The following MORF4L2 variants were observed in gnomAD, a reference collection of about 807,000 sequenced individuals.
The protein encoded by MORF4L2 is mortality factor 4 like 2, also known as mortality factor 4-like protein 2.
MORF4L2 carries 1 observed loss-of-function variant against 12.0 expected under a neutral mutation model. That is an observed-to-expected ratio of 0.08 (90% CI 0.03 to 0.40). The LOEUF (loss-of-function observed/expected upper bound fraction) is 0.40, where lower values mean the gene tolerates loss of function less well. Among genes scored for constraint, MORF4L2 ranks in the 10% least tolerant of loss-of-function variants. The pLI is 0.98. For synonymous variants in MORF4L2, 69 were observed against 81.6 expected (o/e 0.85, Z 0.83); for missense variants, 123 against 214.0 (o/e 0.57, Z 2.65).
Position 103,676,301 on chromosome X carries a change from G to C in MORF4L2, c.727C>G (p.Pro243Ala). 1 of 1,211,176 alleles carries C rather than the reference G, an allele frequency of 8.3e-7. No individual in the cohort carries two copies. Among genetic ancestry groups the C allele is most frequent in the Non-Finnish European group, 1.1e-6 (1 of 895,216 alleles). ...VRIGAMLAYT[P>A]LDEKSLALLL... ...AATGCAAGGCTTTTCTCATCAAGGG[G>C]CGTATAGGCCAACATTGCTCCAATT... Residue 243 changes from proline (P) to alanine (A), a missense_variant, in exon 4 of 4, where the codon CCC becomes GCC. By Grantham distance (27) the Pro-to-Ala change is conservative. Transcript: ENST00000441076.
intron 2 of MORF4L2, chrX:103,684,908 T>G (rs1294635164): frequency 8.9e-6 from 1 of 112,306 alleles, no homozygotes; most frequent in East Asian, 2.8e-4. Flanking sequence ...CAAGGAAAAA[T>G]GTAATCTATG....
intron 2 of MORF4L2, among the ~76,000 whole-genome samples, chrX:103,682,480 C>T (rs2074007606): frequency 9.0e-6 from 1 of 110,964 alleles, no homozygotes; most frequent in Admixed American, 9.5e-5. Flanking sequence ...TATAAAAGTT[C>T]ATTTTTTCAT....
chrX:103,688,010 C>T (rs1192573681), upstream of MORF4L2: 1 of 111,663 alleles, frequency 9.0e-6, no homozygotes, highest in African/African-American at 3.3e-5. Context: ...GATCTCCAAG[C>T]AAGCACACTG....
chrX:103,676,102 A>C lies in MORF4L2; in HGVS notation c.*59T>G. 1 of 1,072,535 alleles carries C rather than the reference A, an allele frequency of 9.3e-7. No homozygotes were observed. The highest frequency in any genetic ancestry group is 1.2e-6 in the Non-Finnish European group (1 of 804,727). The allele number at this position is 1,072,535 out of a possible 1,213,427, so 88.4% of individuals were successfully genotyped here. A position where few individuals can be genotyped will look rare whatever the true frequency, so the allele number is the denominator to read the frequency against. The stretch of plus-strand genomic sequence containing the variant: ...AGAACATCAATTTTACAAGAAAAAG[A>C]CTAAGAACAAAAAGTGTTTACAGAT... On this transcript the variant is annotated 3_prime_UTR_variant, in exon 4 of 4. Coordinates refer to ENST00000441076, the MANE Select transcript of MORF4L2 (RefSeq NM_012286.3).
intron 2 of MORF4L2, 158 bp downstream of exon 2, chrX:103,685,013 T>G (rs975297648): frequency 8.0e-5 from 9 of 112,831 alleles, no homozygotes; most frequent in Non-Finnish European, 1.1e-4. Flanking sequence ...CTTTCTATAC[T>G]GGAACTATCA....
chrX:103,683,732 A>T (rs745606646), intron 2 of MORF4L2, among the ~76,000 whole-genome samples: 79 of 112,020 alleles, frequency 7.1e-4, no homozygotes, highest in Middle Eastern at 4.6e-3. Flanking sequence ...CTTTGTAGAC[A>T]TATCATTCAG....
intron 2 of MORF4L2, among the ~76,000 whole-genome samples, chrX:103,683,458 A>G (rs2074034238): frequency 8.9e-6 from 1 of 112,713 alleles, no homozygotes; most frequent in Non-Finnish European, 1.9e-5. Context: ...ATCACAGTTT[A>G]AAGGCATAAA....
intron 2 of MORF4L2, among the ~76,000 whole-genome samples, chrX:103,679,860 CAAAA>C (rs1157909391): frequency 4.2e-5 from 2 of 47,737 alleles, no homozygotes; most frequent in African/African-American, 9.3e-5. Context: ...CACCTGTGGG[CAAAA>C]AAAAAAAAAA....
intron 2 of MORF4L2, among the ~76,000 whole-genome samples, chrX:103,678,934 G>A (rs1402871856): frequency 1.8e-5 from 2 of 112,150 alleles, no homozygotes; most frequent in African/African-American, 6.5e-5. Context: ...TAAAGGTGAT[G>A]TGGCTGAACA....
chrX:103,676,418 T>C lies in MORF4L2; in HGVS notation c.610A>G (p.Arg204Gly), dbSNP rs752554417. ...AAGAGGATTTCAGCATACTGGGGCC[T>C]CTCAAATTTGTAGAGCAGCTGAGTG... is the stretch of plus-strand genomic sequence containing the variant. ...LGTQLLYKFE[R>G]PQYAEILLAH... Residue 204 changes from arginine (R) to glycine (G), a missense_variant, in exon 4 of 4, where the codon AGG (arginine) becomes GGG (glycine). Physicochemically the swap from Arg to Gly is moderately radical, Grantham distance 125. Coordinates refer to ENST00000441076, the MANE Select transcript of MORF4L2 (RefSeq NM_012286.3). 1 of 1,211,922 alleles carries C rather than the reference T, an allele frequency of 8.3e-7. No homozygotes were observed.
intron 1 of MORF4L2, chrX:103,685,569 T>C (rs774059720): frequency 9.0e-6 from 1 of 111,335 alleles, no homozygotes; most frequent in African/African-American, 3.3e-5. Context: ...AATTACCAAC[T>C]GAAGGCCATC....
At chrX:103,678,681 A>C (rs2073904547) in intron 2 of MORF4L2, 30 bp from the exon 3 acceptor site, 3 of 112,923 alleles carry the variant, frequency 2.7e-5, no homozygotes, top group Admixed American at 1.9e-4. Context: ...TGAGTAATTT[A>C]TAAACATGTG....
chrX:103,684,039 A>G (rs1034821294), intron 2 of MORF4L2, among the ~76,000 whole-genome samples: 4 of 112,322 alleles, frequency 3.6e-5, no homozygotes, highest in African/African-American at 1.3e-4. Flanking sequence ...CAGTGACTCC[A>G]TATGTAGCTG....
rs874 is a variant in MORF4L2, at chrX:103,676,032, A to G, written c.*129T>C. 295,882 of 737,056 alleles carry G rather than the reference A, an allele frequency of 0.4. 45,358 individuals carry two copies. Among genetic ancestry groups the G allele is most frequent in the East Asian group, 0.59 (17,419 of 29,534 alleles). The allele number at this position is 737,056 out of a possible 1,213,427, so 60.7% of individuals were successfully genotyped here. ...TTATTTTCTGTTTAAAACAGAACGG[A>G]AAACAAACTGAAACATAAGCCCTGT... is the stretch of plus-strand genomic sequence containing the variant. On this transcript the variant is annotated 3_prime_UTR_variant, in exon 4 of 4. Transcript: ENST00000441076.
intron 2 of MORF4L2, among the ~76,000 whole-genome samples, chrX:103,679,730 G>C (rs1255562712): frequency 9.2e-6 from 1 of 108,444 alleles, no homozygotes; most frequent in Non-Finnish European, 1.9e-5. Context: ...GGTTTCTCTA[G>C]TAACTACAAC....
At chrX:103,678,282 T>C (rs1393983637) in intron 3 of MORF4L2, among the ~76,000 whole-genome samples, 1 of 110,970 alleles carries the variant, frequency 9.0e-6, no homozygotes, top group Non-Finnish European at 1.9e-5. Flanking sequence ...ATTTAAGGGA[T>C]GCACAGAGAC....
At chrX:103,687,974 C>G (rs2074154225), upstream of MORF4L2, 1 of 111,771 alleles carries the variant, frequency 8.9e-6, no homozygotes, top group African/African-American at 3.3e-5. Context: ...TCTGTGGCGA[C>G]TGAGGCGCTC....
rs1298287494 is a variant in MORF4L2, at chrX:103,675,899, A to G, written c.*262T>C. On this transcript the variant is annotated 3_prime_UTR_variant, in exon 4 of 4. Transcript: ENST00000441076. ...GATAGGAACCACCAGCATTCAAGCA[A>G]TGTTGTCAACTAGGCAATAAAATGT... The G allele has an allele frequency of 7.3e-6, 2 of 275,002 alleles. No homozygotes were observed. Among genetic ancestry groups the G allele is most frequent in the Non-Finnish European group, 1.3e-5 (2 of 157,611 alleles). The allele number at this position is 275,002 out of a possible 1,213,427, so 22.7% of individuals were successfully genotyped here.
chrX:103,682,649 C>T (rs1364187321), intron 2 of MORF4L2, among the ~76,000 whole-genome samples: 3 of 111,852 alleles, frequency 2.7e-5, no homozygotes, highest in Non-Finnish European at 5.6e-5. Flanking sequence ...TATTTTTGTT[C>T]TCTCTTCTAC....
Sources: gnomAD v4.1 joint callset for allele counts (sites outside exome capture counted in the v4.1 genomes callset) on GRCh38, gnomAD v4.1.1 for gene constraint, MANE v1.5 for transcripts, NCBI Gene and HGNC (gene_info 2026-07-23, HGNC 2026-07-21) for gene names.